Variants in PDGFRB observed in about 807,000 individuals in gnomAD.
PDGFRB encodes the protein platelet derived growth factor receptor beta, also known as platelet-derived growth factor receptor beta.
A neutral mutation model predicts 120.2 loss-of-function variants in PDGFRB; 42 were observed. That is an observed-to-expected ratio of 0.35 (90% confidence interval 0.27 to 0.45). The LOEUF (loss-of-function observed/expected upper bound fraction) is 0.45, where lower values mean the gene tolerates loss of function less well. PDGFRB is among the 20% of genes least tolerant of loss of function. The pLI is 1.00. For missense variants in PDGFRB, 1,149 were observed against 1,476.3 expected (o/e 0.78, Z 3.63); for synonymous variants, 586 against 606.8 (o/e 0.97, Z 0.50).
intron 1 of PDGFRB, 106 bp downstream of exon 1, chr5:150,155,291 T>G: frequency 3.3e-6 from 1 of 301,398 alleles, no homozygotes. Flanking sequence ...GTTAAAAATA[T>G]CTTCCCTTTT....
intron 22 of PDGFRB, 45 bp downstream of exon 22, chr5:150,117,573 C>T (rs768105836): frequency 1.9e-6 from 2 of 1,069,718 alleles, no homozygotes; most frequent in East Asian, 2.4e-5. Flanking sequence ...CACACACACA[C>T]ACACACTGTG....
chr5:150,136,025 A>G (rs904585182), intron 2 of PDGFRB, 147 bp from the exon 3 acceptor site: 1 of 562,654 alleles, frequency 1.8e-6, no homozygotes, highest in East Asian at 3.1e-5. Flanking sequence ...CTCTCCAGCC[A>G]TGGCTCTGAG....
chr5:150,139,077 T>A (rs1760712570), intron 1 of PDGFRB, among the ~76,000 whole-genome samples: 1 of 152,170 alleles, frequency 6.6e-6, no homozygotes, highest in Non-Finnish European at 1.5e-5. Context: ...CCTCTCCCCT[T>A]CAGGCTCTCT....
intron 10 of PDGFRB, among the ~76,000 whole-genome samples, chr5:150,128,267 T>C (rs1429998655): frequency 6.6e-6 from 1 of 152,254 alleles, no homozygotes; most frequent in Non-Finnish European, 1.5e-5. Context: ...CCACACTGTC[T>C]GCCCAGATAC....
In PDGFRB at chr5:150,120,282, T is replaced by C. The variant is rs1760090443; in HGVS notation, c.2587-159A>G. Among the ~76,000 whole-genome samples the C allele has an allele frequency of 6.6e-6, 1 of 152,158 alleles. No individual in the cohort carries two copies. Among genetic ancestry groups the C allele is most frequent in the Admixed American group, 6.5e-5 (1 of 15,280 alleles). ...GTCTCTGCGCAGCACAGTTCCCATG[T>C]CCATCCCAGGGCTGGTCAGAGGACC... On this transcript the variant is annotated intron_variant, in intron 18 of 22. Coordinates refer to ENST00000261799, the MANE Select transcript of PDGFRB (RefSeq NM_002609.4). The surrounding 1 kb of genome is among the most constrained non-coding windows in gnomAD (Gnocchi z 4.3).
chr5:150,130,080 G>T, intron 9 of PDGFRB, 112 bp from the exon 10 acceptor site: 1 of 841,204 alleles, frequency 1.2e-6, no homozygotes, highest in Non-Finnish European at 1.9e-6. Context: ...ATGTCCCACT[G>T]CCTGTTTCCG....
At position 150,132,955 on chromosome 5, in the gene PDGFRB, A is replaced by G; in HGVS notation, c.935-13T>C. The G allele has an allele frequency of 6.5e-7, 1 of 1,542,226 alleles. No individual in the cohort carries two copies. Among genetic ancestry groups the G allele is most frequent in the South Asian group, 1.2e-5 (1 of 83,712 alleles). The stretch of plus-strand genomic sequence containing the variant: ...ACGTAGCCGCTCTCTGCAAGGGGTG[A>G]CCGTCAGGGGCGGGGCCCTGGGGGC... On this transcript the variant is annotated splice_polypyrimidine_tract_variant and intron_variant, in intron 6 of 22. Coordinates refer to ENST00000261799, the MANE Select transcript of PDGFRB (RefSeq NM_002609.4). This position sits in a 1 kb window ranked among gnomAD's most constrained non-coding sequence, Gnocchi z 5.0.
intron 22 of PDGFRB, 80 bp downstream of exon 22, chr5:150,117,538 G>T (rs140531823): frequency 3.4e-6 from 2 of 586,052 alleles, no homozygotes; most frequent in African/African-American, 2.8e-5. Context: ...GCGCGCGCGC[G>T]CGCGCGCACA....
In PDGFRB at chr5:150,132,990, A is replaced by C; in HGVS notation, c.935-48T>G. 2 of 1,371,030 alleles carry C rather than the reference A, an allele frequency of 1.5e-6. No homozygotes were observed. The highest frequency in any genetic ancestry group is 2.0e-6 in the Non-Finnish European group (2 of 996,488). The allele number at this position is 1,371,030 out of a possible 1,614,324, so 84.9% of individuals were successfully genotyped here. On this transcript the variant is annotated intron_variant, in intron 6 of 22. Coordinates refer to ENST00000261799, the MANE Select transcript of PDGFRB (RefSeq NM_002609.4). This position sits in a 1 kb window ranked among gnomAD's most constrained non-coding sequence, Gnocchi z 5.0. ...GCGGGGCCCTGGGGGCAGGGCACCA[A>C]CTGAATCCCAAAGGAGGCCAGCCTG...
Position 150,132,773 on chromosome 5 carries a change from G to C in PDGFRB, c.1104C>G (p.Ser368=). 6.2e-7 allele frequency: 1 copy of C among 1,613,206 alleles called. No individual in the cohort carries two copies. The highest frequency in any genetic ancestry group is 1.1e-5 in the South Asian group (1 of 90,880). The change falls in exon 7 of 23, where the codon TCC becomes TCG. Residue 368 remains serine, a synonymous_variant. Transcript: ENST00000261799. This position sits in a 1 kb window ranked among gnomAD's most constrained non-coding sequence, Gnocchi z 5.0. ...GDSSAGEIAL[S]TRNVSETRYV... ...ACCGGGTCTCCGACACGTTGCGCGT[G>C]GACAGGGCGATTTCGCCAGCGCTGG...
chr5:150,139,067 C>T (rs894825845), intron 1 of PDGFRB, among the ~76,000 whole-genome samples: 1 of 152,200 alleles, frequency 6.6e-6, no homozygotes, highest in Admixed American at 6.5e-5. Context: ...GGCACTCCAT[C>T]CTCTCCCCTT....
chr5:150,123,278 G>T, intron 14 of PDGFRB, 77 bp from the exon 15 acceptor site: 1 of 1,148,834 alleles, frequency 8.7e-7, no homozygotes, highest in Non-Finnish European at 1.3e-6. Flanking sequence ...CTAATCAGGG[G>T]CTGGATGTGG....
chr5:150,132,969 G>A lies in PDGFRB; in HGVS notation c.935-27C>T. On this transcript the variant is annotated intron_variant, in intron 6 of 22. Coordinates refer to ENST00000261799, the MANE Select transcript of PDGFRB (RefSeq NM_002609.4). The surrounding 1 kb of genome is among the most constrained non-coding windows in gnomAD (Gnocchi z 5.0). ...TGCAAGGGGTGACCGTCAGGGGCGGGGCCCTGGGGGCAGGGCACCAACTGA... is the reference window on the plus strand; with the variant it reads ...TGCAAGGGGTGACCGTCAGGGGCGGAGCCCTGGGGGCAGGGCACCAACTGA... The A allele has an allele frequency of 6.7e-7, 1 of 1,502,662 alleles. No individual in the cohort carries two copies. Among genetic ancestry groups the A allele is most frequent in the Non-Finnish European group, 9.0e-7 (1 of 1,108,682 alleles). 93.1% of individuals were successfully genotyped at this position (1,502,662 alleles called of 1,614,324 possible). A position where few individuals can be genotyped will look rare whatever the true frequency, so the allele number is the denominator to read the frequency against.
At position 150,121,710 on chromosome 5, in the gene PDGFRB, C is replaced by T. The variant is rs1191796117; in HGVS notation, c.2344+170G>A. Reference sequence around the variant, plus strand: ...GTTTCCGGATCCATAAACAGGGCTTCCGTTTAGGGGTCCACTACAGATCAG... The same window carrying T: ...GTTTCCGGATCCATAAACAGGGCTTTCGTTTAGGGGTCCACTACAGATCAG... On this transcript the variant is annotated intron_variant, in intron 16 of 22. Coordinates refer to ENST00000261799, the MANE Select transcript of PDGFRB (RefSeq NM_002609.4). This position sits in a 1 kb window ranked among gnomAD's most constrained non-coding sequence, Gnocchi z 4.1. 6.6e-6 allele frequency among the ~76,000 whole-genome samples: 1 copy of T among 152,232 alleles called. No homozygotes were observed. Among genetic ancestry groups the T allele is most frequent in the Non-Finnish European group, 1.5e-5 (1 of 68,044 alleles).
Position 150,124,713 on chromosome 5 carries a change from CA to C in PDGFRB, c.1912+13del. The C allele has an allele frequency of 7.6e-7, 1 of 1,310,436 alleles. No individual in the cohort carries two copies. 81.2% of individuals were successfully genotyped at this position (1,310,436 alleles called of 1,614,324 possible). On this transcript the variant is annotated intron_variant, in intron 13 of 22. Coordinates refer to ENST00000261799, the MANE Select transcript of PDGFRB (RefSeq NM_002609.4). ...GTGAAGGCCCAGATGTGGAGGGCTC[CA>C]AGGACTACTCACATTTAAGCATCTT...
Position 150,121,204 on chromosome 5 carries a change from G to T in PDGFRB, c.2463C>A (p.Asn821Lys). ...ANGMEFLASK[N>K]CVHRDLAARN... ...TCTGCCCCACCAACACCACACGTAC[G>T]TTCTTGGAGGCCAGAAACTCCATGC... Residue 821 changes from asparagine to lysine, a missense_variant and splice_region_variant, in exon 17 of 23, where the codon AAC (asparagine) becomes AAA (lysine). By Grantham distance (94) the Asn-to-Lys change is moderately conservative. Around this residue, in one of 3 missense-constraint regions of PDGFRB, gnomAD observed 879 missense variants for 1,108.6 expected, o/e 0.79. Coordinates refer to ENST00000261799, the MANE Select transcript of PDGFRB (RefSeq NM_002609.4). This position sits in a 1 kb window ranked among gnomAD's most constrained non-coding sequence, Gnocchi z 4.1. The T allele has an allele frequency of 6.7e-7, 1 of 1,498,830 alleles. No homozygotes were observed. Among genetic ancestry groups the T allele is most frequent in the Non-Finnish European group, 9.3e-7 (1 of 1,074,960 alleles). 92.8% of individuals were successfully genotyped at this position (1,498,830 alleles called of 1,614,324 possible). A position where few individuals can be genotyped will look rare whatever the true frequency, so the allele number is the denominator to read the frequency against.
At chr5:150,152,843 A>T (rs1761114992) in intron 1 of PDGFRB, among the ~76,000 whole-genome samples, 1 of 152,226 alleles carries the variant, frequency 6.6e-6, no homozygotes, top group South Asian at 2.1e-4. Flanking sequence ...TCCAGCTGTG[A>T]AGTGCAGGAA....
At chr5:150,130,102 C>T (rs1760419835) in intron 9 of PDGFRB, 134 bp from the exon 10 acceptor site, 2 of 710,330 alleles carry the variant, frequency 2.8e-6, no homozygotes, top group Non-Finnish European at 4.9e-6. Flanking sequence ...GCGGGCTCCT[C>T]CTGTGCTCCC....
intron 4 of PDGFRB, among the ~76,000 whole-genome samples, chr5:150,134,523 G>A (rs1039805454): frequency 1.3e-5 from 2 of 152,208 alleles, no homozygotes; most frequent in Non-Finnish European, 1.5e-5. Context: ...TGTTGCACAG[G>A]CCAGCTCTGC....
Sources: gnomAD v4.1 joint callset for allele counts (sites outside exome capture counted in the v4.1 genomes callset) on GRCh38, gnomAD v4.1.1 for gene constraint, gnomAD v4.1.1 regional missense constraint, Gnocchi (gnomAD v3.1) non-coding constraint, MANE v1.5 for transcripts, NCBI Gene and HGNC (gene_info 2026-07-23, HGNC 2026-07-21) for gene names.